Variants in GPC5 observed in about 807,000 individuals in gnomAD.
GPC5 encodes the protein glypican 5, also known as glypican-5.
Under a neutral mutation model 53.9 loss-of-function variants are expected in GPC5, and 47 were observed. The observed-to-expected ratio is 0.87, with a 90% CI of 0.69 to 1.11. GPC5 has a LOEUF of 1.11. GPC5 is among the 50% of genes most tolerant of loss of function. The pLI, the probability that GPC5 is intolerant of heterozygous loss-of-function variation, is 0.00. For synonymous variants in GPC5, 286 were observed against 263.3 expected (o/e 1.09, Z -0.84); for missense variants, 748 against 713.1 (o/e 1.05, Z -0.56).
chr13:91,997,045 G>T (rs1464643042), intron 6 of GPC5, among the ~76,000 whole-genome samples: 1 of 151,808 alleles, frequency 6.6e-6, no homozygotes, highest in East Asian at 1.9e-4. Flanking sequence ...AGGAATATCG[G>T]TGATACACAC....
At chr13:91,485,290 G>C (rs1405107430) in intron 2 of GPC5, among the ~76,000 whole-genome samples, 1 of 149,830 alleles carries the variant, frequency 6.7e-6, no homozygotes, top group African/African-American at 2.5e-5. Flanking sequence ...TCAGCTCACT[G>C]CAACCTCTGC....
At chr13:92,421,554 T>C (rs1594188117) in intron 7 of GPC5, among the ~76,000 whole-genome samples, 2 of 151,142 alleles carry the variant, frequency 1.3e-5, no homozygotes, top group Non-Finnish European at 3.0e-5. Flanking sequence ...AAAAAATTAG[T>C]CGGGCGTGGT....
chr13:92,523,909 T>C (rs1881170937), intron 7 of GPC5, among the ~76,000 whole-genome samples: 1 of 152,120 alleles, frequency 6.6e-6, no homozygotes, highest in Non-Finnish European at 1.5e-5. Flanking sequence ...AAAATGTGTA[T>C]GTATCTTAAT....
intron 7 of GPC5, among the ~76,000 whole-genome samples, chr13:92,308,004 G>A (rs1469005995): frequency 2.6e-5 from 4 of 152,096 alleles, no homozygotes; most frequent in African/African-American, 9.7e-5. Flanking sequence ...TTATTTTAAC[G>A]ATTAAGTCTC....
At chr13:92,087,125 G>C (rs2041342144) in intron 6 of GPC5, among the ~76,000 whole-genome samples, 1 of 152,226 alleles carries the variant, frequency 6.6e-6, no homozygotes, top group South Asian at 2.1e-4. Flanking sequence ...GGGCCATCTT[G>C]ATACTTTGTT....
chr13:92,234,260 T>A (rs1052071963), intron 7 of GPC5, among the ~76,000 whole-genome samples: 2 of 152,144 alleles, frequency 1.3e-5, no homozygotes, highest in African/African-American at 4.8e-5. Flanking sequence ...GTTGAACTAG[T>A]TTACAGTCCC....
chr13:92,074,234 G>C (rs774691914), intron 6 of GPC5, among the ~76,000 whole-genome samples: 1 of 152,132 alleles, frequency 6.6e-6, no homozygotes, highest in Non-Finnish European at 1.5e-5. Context: ...TAAACAATGG[G>C]GTAAGAAAAG....
intron 6 of GPC5, among the ~76,000 whole-genome samples, chr13:92,082,701 C>A (rs1437512618): frequency 6.6e-6 from 1 of 152,048 alleles, no homozygotes; most frequent in Non-Finnish European, 1.5e-5. Flanking sequence ...TTTTTCTCTA[C>A]AGAGTTTTAT....
intron 5 of GPC5, among the ~76,000 whole-genome samples, chr13:91,863,631 G>A (rs1055188208): frequency 6.6e-6 from 1 of 152,078 alleles, no homozygotes; most frequent in Non-Finnish European, 1.5e-5. Flanking sequence ...AAGGTTTCCT[G>A]CTAGAACTGA....
intron 7 of GPC5, among the ~76,000 whole-genome samples, chr13:92,223,767 T>G (rs1211054823): frequency 6.6e-6 from 1 of 152,172 alleles, no homozygotes; most frequent in Non-Finnish European, 1.5e-5. Flanking sequence ...ATATTTGCAG[T>G]TCATAAAAGA....
At position 92,139,661 on chromosome 13, in the gene GPC5, C is replaced by T. The variant is rs553393994; in HGVS notation, c.1402-5169C>T. On this transcript the variant is annotated intron_variant, in intron 6 of 7. Coordinates refer to ENST00000377067, the MANE Select transcript of GPC5 (RefSeq NM_004466.6). ...CAGCCTGGGTGACAGAGTGAGATTC[C>T]GTCTCAAAAAAAAAAAAAAAAAAAG... 8.8e-3 allele frequency among the ~76,000 whole-genome samples: 357 copies of T among 40,786 alleles called. 3 individuals carry two copies. Among genetic ancestry groups the T allele is most frequent in the African/African-American group, 0.026 (339 of 13,058 alleles). 26.8% of individuals were successfully genotyped at this position (40,786 alleles called of 152,430 possible). A position where few individuals can be genotyped will look rare whatever the true frequency, so the allele number is the denominator to read the frequency against.
At chr13:92,518,096 C>T (rs143340685) in intron 7 of GPC5, among the ~76,000 whole-genome samples, 30 of 151,714 alleles carry the variant, frequency 2.0e-4, no homozygotes, top group African/African-American at 5.8e-4. Flanking sequence ...TAAAAAGAAA[C>T]GAACAAAGCC....
intron 7 of GPC5, among the ~76,000 whole-genome samples, chr13:92,443,579 A>G (rs1410640688): frequency 1.3e-5 from 2 of 152,236 alleles, no homozygotes; most frequent in East Asian, 3.8e-4. Context: ...ACAGTTTATG[A>G]AACACCTTGA....
chr13:91,877,409 GAA>G (rs1319842898), intron 5 of GPC5, among the ~76,000 whole-genome samples: 3 of 152,182 alleles, frequency 2.0e-5, no homozygotes, highest in Non-Finnish European at 4.4e-5. Context: ...AAGAGCATGG[GAA>G]CCTGCCTTTT....
chr13:92,434,220 T>C (rs570515329), intron 7 of GPC5, among the ~76,000 whole-genome samples: 2 of 152,298 alleles, frequency 1.3e-5, no homozygotes, highest in South Asian at 4.1e-4. Flanking sequence ...ACCTTTCTAA[T>C]GTGCAAGCCT....
At chr13:91,406,982 T>C (rs1460823284) in intron 1 of GPC5, among the ~76,000 whole-genome samples, 3 of 152,250 alleles carry the variant, frequency 2.0e-5, no homozygotes, top group African/African-American at 7.2e-5. Context: ...TATTTCTTTC[T>C]TTTTACTAGA....
intron 7 of GPC5, among the ~76,000 whole-genome samples, chr13:92,484,903 T>A (rs1879498732): frequency 6.6e-6 from 1 of 151,704 alleles, no homozygotes; most frequent in Non-Finnish European, 1.5e-5. Context: ...CCCGGCTAAT[T>A]TTTTTTGTAT....
intron 2 of GPC5, among the ~76,000 whole-genome samples, chr13:91,463,639 C>A (rs1882068243): frequency 6.6e-6 from 1 of 152,080 alleles, no homozygotes; most frequent in African/African-American, 2.4e-5. Context: ...CAGACCTACA[C>A]AAATATGCCT....
chr13:91,912,411 T>C (rs1486078712), intron 6 of GPC5, among the ~76,000 whole-genome samples: 6 of 152,084 alleles, frequency 3.9e-5, no homozygotes, highest in Non-Finnish European at 7.4e-5. Flanking sequence ...ATTTTATTAT[T>C]CTAGGAAATC....
Sources: allele counts gnomAD v4.1 joint callset (sites outside exome capture counted in the v4.1 genomes callset), GRCh38; gene constraint gnomAD v4.1.1; transcripts MANE v1.5; gene names NCBI Gene and HGNC (gene_info 2026-07-23, HGNC 2026-07-21).